Variants in ZMAT4 observed in about 807,000 individuals in gnomAD.
ZMAT4 encodes the protein zinc finger matrin-type 4, also known as zinc finger matrin-type protein 4.
In ZMAT4, 17 loss-of-function variants were observed where a neutral mutation model predicts 28.7. The ratio of observed to expected loss-of-function variants is 0.59; its 90% CI spans 0.41 to 0.89. ZMAT4 has a LOEUF of 0.89. ZMAT4 is among the 40% of genes least tolerant of loss of function. The pLI is 0.00. For missense variants in ZMAT4, 240 were observed against 283.8 expected, an observed-to-expected ratio of 0.85 and a Z score of 1.11; for synonymous variants, 117 against 109.2, an observed-to-expected ratio of 1.07 and a Z score of -0.44.
At chr8:40,859,042 C>A (rs1415245669) in intron 1 of ZMAT4, among the ~76,000 whole-genome samples, 1 of 152,214 alleles carries the variant, frequency 6.6e-6, no homozygotes, top group Non-Finnish European at 1.5e-5. Flanking sequence ...CCTTGAGGAG[C>A]AAATAAACAC....
chr8:40,556,425 A>G (rs1305435320), intron 6 of ZMAT4, among the ~76,000 whole-genome samples: 2 of 152,120 alleles, frequency 1.3e-5, no homozygotes, highest in East Asian at 1.9e-4. Context: ...CAATTTTTCA[A>G]TATGAAATCT....
intron 2 of ZMAT4, among the ~76,000 whole-genome samples, chr8:40,768,429 C>G (rs1467039518): frequency 6.6e-6 from 1 of 152,174 alleles, no homozygotes; most frequent in African/African-American, 2.4e-5. Flanking sequence ...TCTTTGTTCC[C>G]TATTTCCTCT....
At chr8:40,692,076 TTATTC>T (rs944824071) in intron 4 of ZMAT4, among the ~76,000 whole-genome samples, 5 of 152,226 alleles carry the variant, frequency 3.3e-5, no homozygotes, top group African/African-American at 1.2e-4. Flanking sequence ...CTGCCTATTA[TTATTC>T]TAATGTATGC....
chr8:40,762,870 G>A (rs1586012418), intron 3 of ZMAT4, among the ~76,000 whole-genome samples: 1 of 152,144 alleles, frequency 6.6e-6, no homozygotes, highest in East Asian at 1.9e-4. Context: ...CACCCAGTTT[G>A]TGGCAATTTG....
intron 6 of ZMAT4, among the ~76,000 whole-genome samples, chr8:40,576,126 A>T (rs1185740422): frequency 5.9e-5 from 9 of 152,104 alleles, no homozygotes. Context: ...CAAAATAGAA[A>T]AATAATAAAG....
chr8:40,817,664 T>G (rs1388925638), intron 2 of ZMAT4, among the ~76,000 whole-genome samples: 1 of 152,176 alleles, frequency 6.6e-6, no homozygotes, highest in Non-Finnish European at 1.5e-5. Flanking sequence ...CTTTTGCTCA[T>G]AGGTCACTGG....
At chr8:40,766,687 A>T (rs1479312180) in intron 3 of ZMAT4, among the ~76,000 whole-genome samples, 2 of 152,230 alleles carry the variant, frequency 1.3e-5, no homozygotes, top group African/African-American at 2.4e-5. Context: ...AGAATTTGTT[A>T]AAAACACCAG....
rs142053279 is a variant in ZMAT4, at chr8:40,692,946, A to C, written c.349+4299T>G. On this transcript the variant is annotated intron_variant, in intron 4 of 6. Transcript: ENST00000297737. The stretch of plus-strand genomic sequence containing the variant: ...CCTATGATCTTTGCCAGCTGCCAGC[A>C]GTTAACTGGAGTTTGCTCATATACC... Among the ~76,000 whole-genome samples the C allele has an allele frequency of 1.1e-4, 17 of 152,276 alleles. No homozygotes were observed. In the East Asian group the frequency reaches 3.1e-3, roughly 28 times the overall value.
chr8:40,680,972 C>A (rs1809140524), intron 4 of ZMAT4, among the ~76,000 whole-genome samples: 2 of 152,142 alleles, frequency 1.3e-5, no homozygotes, highest in South Asian at 2.1e-4. Flanking sequence ...CTCACCTAAG[C>A]CATTCTTATC....
chr8:40,556,480 C>G (rs1803541301), intron 6 of ZMAT4, among the ~76,000 whole-genome samples: 2 of 152,136 alleles, frequency 1.3e-5, no homozygotes, highest in Admixed American at 1.3e-4. Context: ...CTCTCTCCAA[C>G]TTAACAGTGT....
chr8:40,796,150 C>T (rs917612462), intron 2 of ZMAT4, among the ~76,000 whole-genome samples: 2 of 152,144 alleles, frequency 1.3e-5, no homozygotes, highest in African/African-American at 2.4e-5. Context: ...CATATTTAAC[C>T]GGCCTTGAAA....
intron 2 of ZMAT4, among the ~76,000 whole-genome samples, chr8:40,823,719 G>A (rs2353236): frequency 3.3e-5 from 3 of 91,900 alleles, no homozygotes; most frequent in African/African-American, 4.8e-5. Context: ...GTGTGTGTGT[G>A]CGTGTGTGTT....
At chr8:40,893,743 G>A (rs1395966626) in intron 1 of ZMAT4, among the ~76,000 whole-genome samples, 1 of 152,152 alleles carries the variant, frequency 6.6e-6, no homozygotes, top group Non-Finnish European at 1.5e-5. Flanking sequence ...CAGGGGTTTG[G>A]TGTACAGATA....
chr8:40,864,092 C>T (rs112021758), intron 1 of ZMAT4, among the ~76,000 whole-genome samples: 1 of 152,336 alleles, frequency 6.6e-6, no homozygotes, highest in African/African-American at 2.4e-5. Flanking sequence ...ATTCTTTTCC[C>T]AATTAATGAA....
At chr8:40,602,005 CCTT>C (rs929942984) in intron 5 of ZMAT4, among the ~76,000 whole-genome samples, 2 of 152,144 alleles carry the variant, frequency 1.3e-5, no homozygotes, top group African/African-American at 4.8e-5. Flanking sequence ...TGTGTATTCT[CCTT>C]CTCCCCCTTC....
At chr8:40,583,922 C>G (rs1348321106) in intron 5 of ZMAT4, among the ~76,000 whole-genome samples, 1 of 152,134 alleles carries the variant, frequency 6.6e-6, no homozygotes, top group Non-Finnish European at 1.5e-5. Context: ...GTAGAGGAAA[C>G]AATCATATAT....
chr8:40,851,266 T>G (rs1404973009), intron 1 of ZMAT4, among the ~76,000 whole-genome samples: 1 of 152,142 alleles, frequency 6.6e-6, no homozygotes, highest in Admixed American at 6.5e-5. Context: ...AGGCGGAGAT[T>G]GCAGTGAGCC....
chr8:40,657,321 A>G (rs2118841871), intron 5 of ZMAT4, among the ~76,000 whole-genome samples: 1 of 152,324 alleles, frequency 6.6e-6, no homozygotes, highest in East Asian at 1.9e-4. Flanking sequence ...ATTTCAGTAT[A>G]GCCTGAAGAA....
chr8:40,647,728 T>G (rs1563385733), intron 5 of ZMAT4, among the ~76,000 whole-genome samples: 1 of 152,192 alleles, frequency 6.6e-6, no homozygotes, highest in African/African-American at 2.4e-5. Context: ...GCTGGAGATC[T>G]GAGAACGGAC....
Sources: allele counts gnomAD v4.1 joint callset (sites outside exome capture counted in the v4.1 genomes callset), GRCh38; gene constraint gnomAD v4.1.1; transcripts MANE v1.5; gene names NCBI Gene and HGNC (gene_info 2026-07-23, HGNC 2026-07-21).